Variants in COL15A1 observed in about 807,000 individuals in gnomAD.
The protein encoded by COL15A1 is collagen alpha-1(XV) chain.
A neutral mutation model predicts 165.9 loss-of-function variants in COL15A1; 111 were observed. The observed-to-expected ratio is 0.67, with a 90% CI of 0.57 to 0.78. The LOEUF (loss-of-function observed/expected upper bound fraction) is 0.78. COL15A1 is among the 30% of genes least tolerant of loss of function. The pLI is 0.00. For synonymous variants in COL15A1, 659 were observed against 674.8 expected (o/e 0.98, Z 0.36); for missense variants, 1,745 against 1,789.7 (o/e 0.98, Z 0.45).
At chr9:99,044,884 A>T (rs1839470200) in intron 26 of COL15A1, 114 bp downstream of exon 26, 1 of 894,304 alleles carries the variant, frequency 1.1e-6, no homozygotes, top group Non-Finnish European at 1.8e-6. Context: ...TGTGGCAAAG[A>T]TGTGCAAAAT....
rs370196796 is a variant in COL15A1, at chr9:98,997,041, C to G, written c.912C>G (p.Thr304=). 2.6e-5 allele frequency: 42 copies of G among 1,614,194 alleles called. No homozygotes were observed. The highest frequency in any genetic ancestry group is 3.3e-5 in the Non-Finnish European group (39 of 1,180,038). Residue 304 remains threonine, a synonymous_variant, in exon 6 of 42, where the codon ACC becomes ACG. Coordinates refer to ENST00000375001, the MANE Select transcript of COL15A1 (RefSeq NM_001855.5). ...CTGTACCCGAGGGGACCCTGGAAAC[C>G]ACCAACATGAGCATCATCCAGCACA... is the stretch of plus-strand genomic sequence containing the variant. ...GEPVPEGTLE[T]TNMSIIQHSS...
chr9:99,054,234 G>A (rs907813187), intron 31 of COL15A1, among the ~76,000 whole-genome samples: 5 of 152,202 alleles, frequency 3.3e-5, no homozygotes, highest in African/African-American at 9.7e-5. Flanking sequence ...CTGAGTCTCT[G>A]TCTTCATTTG....
chr9:99,007,141 T>C (rs1173065617), intron 9 of COL15A1, among the ~76,000 whole-genome samples: 8 of 146,136 alleles, frequency 5.5e-5, no homozygotes, highest in Non-Finnish European at 1.0e-4. Flanking sequence ...GCTTGCATTC[T>C]TTCAAGTTTC....
intron 2 of COL15A1, among the ~76,000 whole-genome samples, chr9:98,972,027 C>T (rs1235614194): frequency 6.6e-6 from 1 of 152,164 alleles, no homozygotes; most frequent in African/African-American, 2.4e-5. Context: ...ACCCAATGAG[C>T]GAGGACTCCC....
intron 2 of COL15A1, among the ~76,000 whole-genome samples, chr9:98,957,431 G>T (rs1837795251): frequency 6.6e-6 from 1 of 152,194 alleles, no homozygotes; most frequent in Non-Finnish European, 1.5e-5. Flanking sequence ...AAAAAAACTT[G>T]TGTTGATGTA....
chr9:98,944,955 T>C (rs1248980949), intron 2 of COL15A1, among the ~76,000 whole-genome samples: 16 of 152,236 alleles, frequency 1.1e-4, no homozygotes, highest in Non-Finnish European at 2.4e-4. Flanking sequence ...GGGTTTGAAC[T>C]GTGGCTGGCT....
chr9:98,984,482 C>A (rs1838277955), intron 2 of COL15A1, among the ~76,000 whole-genome samples: 1 of 152,174 alleles, frequency 6.6e-6, no homozygotes, highest in Non-Finnish European at 1.5e-5. Flanking sequence ...TTACCTTGAG[C>A]AAATTTGTTA....
intron 8 of COL15A1, among the ~76,000 whole-genome samples, chr9:99,004,356 G>T (rs147418837): frequency 6.6e-6 from 1 of 152,186 alleles, no homozygotes; most frequent in Non-Finnish European, 1.5e-5. Flanking sequence ...GATCCTCCCA[G>T]AAGTCCCAGT....
intron 2 of COL15A1, among the ~76,000 whole-genome samples, chr9:98,979,478 G>T (rs999775010): frequency 7.9e-5 from 12 of 152,028 alleles, no homozygotes; most frequent in African/African-American, 2.7e-4. Flanking sequence ...ATATGTTTAA[G>T]ATTTTAATTT....
chr9:98,957,925 A>G (rs1837802467), intron 2 of COL15A1, among the ~76,000 whole-genome samples: 1 of 152,140 alleles, frequency 6.6e-6, no homozygotes, highest in African/African-American at 2.4e-5. Context: ...AACTCCTGGT[A>G]CAGGCACCAT....
chr9:99,015,998 T>G lies in COL15A1; in HGVS notation c.1526T>G (p.Leu509Trp), dbSNP rs761200430. 2 of 1,613,624 alleles carry G rather than the reference T, an allele frequency of 1.2e-6. No homozygotes were observed. The highest frequency in any genetic ancestry group is 2.7e-5 in the African/African-American group (2 of 74,882). ...VTSGPGDEEDLAAATTEEPLI... is the reference protein window; with the variant it reads ...VTSGPGDEEDWAAATTEEPLI... ...CAGGGTCCTGGTGATGAAGAAGACT[T>G]GGCAGCAGCCACAACAGAGGAGCCC... is the stretch of plus-strand genomic sequence containing the variant. Residue 509 changes from leucine (L) to tryptophan (W), a missense_variant, in exon 11 of 42, where the codon TTG becomes TGG. By Grantham distance (61) the Leu-to-Trp change is moderately conservative. Coordinates refer to ENST00000375001, the MANE Select transcript of COL15A1 (RefSeq NM_001855.5).
At chr9:98,981,600 A>G (rs978868380) in intron 2 of COL15A1, among the ~76,000 whole-genome samples, 1 of 152,222 alleles carries the variant, frequency 6.6e-6, no homozygotes, top group Non-Finnish European at 1.5e-5. Flanking sequence ...GGTGTAGAAC[A>G]CACACCATGG....
At chr9:99,025,107 GA>G in intron 15 of COL15A1, 108 bp downstream of exon 15, 2 of 844,560 alleles carry the variant, frequency 2.4e-6, no homozygotes, top group Non-Finnish European at 3.7e-6. Context: ...TCGCGATGGG[GA>G]GAGAGCAGCT....
intron 3 of COL15A1, among the ~76,000 whole-genome samples, chr9:98,986,857 A>G (rs1695263847): frequency 6.6e-6 from 1 of 152,204 alleles, no homozygotes; most frequent in African/African-American, 2.4e-5. Flanking sequence ...GGAAGCTGTC[A>G]GGTGTGGGGA....
intron 31 of COL15A1, among the ~76,000 whole-genome samples, chr9:99,053,660 G>A (rs948567249): frequency 3.3e-5 from 5 of 152,214 alleles, no homozygotes; most frequent in African/African-American, 9.6e-5. Flanking sequence ...CACTGCGCAG[G>A]TCATTGGTCT....
At chr9:99,031,489 G>C (rs1030504450) in intron 16 of COL15A1, among the ~76,000 whole-genome samples, 1 of 152,202 alleles carries the variant, frequency 6.6e-6, no homozygotes, top group African/African-American at 2.4e-5. Context: ...GCATGGGCTC[G>C]AGTCTGTGAA....
chr9:99,021,584 G>A (rs985539661), intron 12 of COL15A1, among the ~76,000 whole-genome samples: 1 of 152,114 alleles, frequency 6.6e-6, no homozygotes, highest in Non-Finnish European at 1.5e-5. Context: ...AGCATTTTCT[G>A]GGGCACTAGC....
chr9:98,955,214 T>G (rs532403570), intron 2 of COL15A1, among the ~76,000 whole-genome samples: 1 of 152,360 alleles, frequency 6.6e-6, no homozygotes, highest in African/African-American at 2.4e-5. Context: ...GCAGTCCAAC[T>G]GCTTCCTTTC....
chr9:99,058,894 A>G (rs909587118), intron 35 of COL15A1, among the ~76,000 whole-genome samples: 1 of 152,154 alleles, frequency 6.6e-6, no homozygotes, highest in Non-Finnish European at 1.5e-5. Context: ...CAACGACCTG[A>G]AGGACTGTAT....
Sources: allele counts gnomAD v4.1 joint callset (sites outside exome capture counted in the v4.1 genomes callset), GRCh38; gene constraint gnomAD v4.1.1; transcripts MANE v1.5; gene names NCBI Gene and HGNC (gene_info 2026-07-23, HGNC 2026-07-21).